RABGAP1L: variants seen among roughly 807,000 people sequenced by gnomAD.
RABGAP1L encodes RAB GTPase activating protein 1 like, also known as rab GTPase-activating protein 1-like.
RABGAP1L carries 63 observed loss-of-function variants against 137.7 expected under a neutral mutation model. The ratio of observed to expected loss-of-function variants is 0.46; its 90% CI spans 0.37 to 0.56. RABGAP1L has a LOEUF of 0.56. Ranked by LOEUF, RABGAP1L falls within the 20% of genes least tolerant of loss-of-function variation. The pLI is 0.00. For synonymous variants in RABGAP1L, 431 were observed against 433.7 expected, an observed-to-expected ratio of 0.99 and a Z score of 0.08; for missense variants, 1,095 against 1,244.0, an observed-to-expected ratio of 0.88 and a Z score of 1.80.
At chr1:174,251,353 A>G (rs1672701427) in intron 6 of RABGAP1L, among the ~76,000 whole-genome samples, 1 of 151,804 alleles carries the variant, frequency 6.6e-6, no homozygotes, top group Non-Finnish European at 1.5e-5. Context: ...CCACCACTTA[A>G]TTAACCATTT....
intron 11 of RABGAP1L, among the ~76,000 whole-genome samples, chr1:174,368,732 TAC>T (rs1684853424): frequency 6.6e-6 from 1 of 152,188 alleles, no homozygotes; most frequent in Non-Finnish European, 1.5e-5. Flanking sequence ...TTAAAAAATA[TAC>T]ATACTCTATA....
chr1:174,877,450 G>A (rs537728143), intron 19 of RABGAP1L: 2 of 1,611,632 alleles, frequency 1.2e-6, no homozygotes, highest in South Asian at 2.2e-5. Flanking sequence ...AGTCTGGTCT[G>A]GAGCTGGGAC....
intron 13 of RABGAP1L, among the ~76,000 whole-genome samples, chr1:174,636,012 T>G (rs530784184): frequency 1.3e-5 from 2 of 152,240 alleles, no homozygotes; most frequent in South Asian, 2.1e-4. Context: ...GCAATTCTTT[T>G]AATTTGCAAT....
chr1:174,665,427 TCGCCCCGCCC>T (rs374473386), intron 14 of RABGAP1L, among the ~76,000 whole-genome samples: 4 of 145,112 alleles, frequency 2.8e-5, no homozygotes, highest in East Asian at 1.9e-4. Flanking sequence ...CTGCCTCGCC[TCGCCCCGCCC>T]CGCCCCGCCC....
intron 13 of RABGAP1L, among the ~76,000 whole-genome samples, chr1:174,540,421 T>C (rs988057753): frequency 1.2e-4 from 18 of 152,234 alleles, no homozygotes; most frequent in Non-Finnish European, 4.4e-5. Context: ...GTTTTTATGG[T>C]TTTAGGTCTA....
chr1:174,747,632 A>AT (rs1376582650), intron 17 of RABGAP1L, among the ~76,000 whole-genome samples: 4 of 151,928 alleles, frequency 2.6e-5, no homozygotes, highest in African/African-American at 9.7e-5. Context: ...ACATACATAA[A>AT]TTTTTCTGGT....
chr1:174,608,955 C>T, intron 13 of RABGAP1L, among the ~76,000 whole-genome samples: 1 of 152,236 alleles, frequency 6.6e-6, no homozygotes, highest in East Asian at 1.9e-4. Flanking sequence ...GAATAATATT[C>T]TCTATTTTTC....
chr1:174,734,716 T>C (rs979576338), intron 17 of RABGAP1L, among the ~76,000 whole-genome samples: 1 of 152,306 alleles, frequency 6.6e-6, no homozygotes, highest in East Asian at 1.9e-4. Flanking sequence ...TGCCAGATCA[T>C]TCTTTATGCC....
At chr1:174,513,427 G>T (rs1662528931) in intron 13 of RABGAP1L, among the ~76,000 whole-genome samples, 1 of 151,956 alleles carries the variant, frequency 6.6e-6, no homozygotes, top group South Asian at 2.1e-4. Context: ...GGGCAACATA[G>T]TGACACCCTG....
At chr1:174,872,147 T>G (rs1329477759) in intron 19 of RABGAP1L, among the ~76,000 whole-genome samples, 2 of 149,478 alleles carry the variant, frequency 1.3e-5, no homozygotes, top group East Asian at 1.9e-4. Context: ...TAATGCTAGG[T>G]TTTTTTTTTC....
At chr1:174,225,133 C>T (rs1189975786) in intron 3 of RABGAP1L, among the ~76,000 whole-genome samples, 1 of 152,036 alleles carries the variant, frequency 6.6e-6, no homozygotes, top group Non-Finnish European at 1.5e-5. Context: ...TCATTGTTTT[C>T]CCTGTGTTCA....
rs568741297 is a variant in RABGAP1L at position 174,264,480 on chromosome 1, G to C, written c.987-7934G>C. Among the ~76,000 whole-genome samples, 303 of 152,068 alleles carry C rather than the reference G, an allele frequency of 2.0e-3. 1 individual carries two copies. The highest frequency in any genetic ancestry group is 6.9e-3 in the African/African-American group (287 of 41,504). ...TGGATGATTCCAAATGTTTTTCTCT[G>C]ACCTGAGGTCTCCAAACTTATATAT... is the stretch of plus-strand genomic sequence containing the variant. On this transcript the variant is annotated intron_variant, in intron 7 of 25. Transcript: ENST00000681986.
At chr1:174,337,132 C>G (rs1334253698) in intron 11 of RABGAP1L, among the ~76,000 whole-genome samples, 2 of 151,938 alleles carry the variant, frequency 1.3e-5, no homozygotes, top group Non-Finnish European at 2.9e-5. Context: ...ATCACAGTTT[C>G]CATGGGTCAG....
intron 13 of RABGAP1L, among the ~76,000 whole-genome samples, chr1:174,442,943 C>G (rs1654324335): frequency 6.6e-6 from 1 of 152,082 alleles, no homozygotes; most frequent in African/African-American, 2.4e-5. Flanking sequence ...TTTTTTATCT[C>G]CCACATATGA....
chr1:174,312,160 G>T (rs780521350), intron 11 of RABGAP1L, among the ~76,000 whole-genome samples: 27 of 152,218 alleles, frequency 1.8e-4, no homozygotes, highest in Middle Eastern at 3.4e-3. Context: ...GTTTTTTGAG[G>T]AACCTCCAAA....
intron 18 of RABGAP1L, among the ~76,000 whole-genome samples, chr1:174,770,137 A>C (rs1421737251): frequency 6.6e-6 from 1 of 152,238 alleles, no homozygotes; most frequent in Admixed American, 6.5e-5. Flanking sequence ...TTCATGAAGG[A>C]ATGCCTATTG....
chr1:174,198,610 T>A (rs533864652), intron 1 of RABGAP1L, among the ~76,000 whole-genome samples: 5 of 152,330 alleles, frequency 3.3e-5, no homozygotes, highest in Admixed American at 3.3e-4. Context: ...AAATGAGGAT[T>A]TTCTGATAGC....
At chr1:174,265,936 G>A (rs1674033047) in intron 7 of RABGAP1L, among the ~76,000 whole-genome samples, 1 of 151,946 alleles carries the variant, frequency 6.6e-6, no homozygotes, top group African/African-American at 2.4e-5. Flanking sequence ...TTTTCCTAGT[G>A]TTCTAGGAAA....
At chr1:174,899,836 C>T (rs902244191) in intron 19 of RABGAP1L, among the ~76,000 whole-genome samples, 2 of 151,794 alleles carry the variant, frequency 1.3e-5, no homozygotes, top group Non-Finnish European at 2.9e-5. Flanking sequence ...TCATGGATGT[C>T]ATGCTACTGA....
Sources: allele counts gnomAD v4.1 joint callset (sites outside exome capture counted in the v4.1 genomes callset), GRCh38; gene constraint gnomAD v4.1.1; transcripts MANE v1.5; gene names NCBI Gene and HGNC (gene_info 2026-07-23, HGNC 2026-07-21).